Variants in CDYL2 observed in about 807,000 individuals in gnomAD.
The protein encoded by CDYL2 is chromodomain Y like 2.
In CDYL2, 23 loss-of-function variants were observed where a neutral mutation model predicts 49.4. The ratio of observed to expected loss-of-function variants is 0.47; its 90% CI spans 0.34 to 0.66. The LOEUF is 0.66. CDYL2 is among the 30% of genes least tolerant of loss of function. CDYL2 has a pLI of 0.01. For synonymous variants in CDYL2, 360 were observed against 268.8 expected, an observed-to-expected ratio of 1.34 and a Z score of -3.32; for missense variants, 678 against 656.4, an observed-to-expected ratio of 1.03 and a Z score of -0.36.
intron 3 of CDYL2, 134 bp from the exon 4 acceptor site, chr16:80,621,069 A>C (rs1907064702): frequency 3.0e-6 from 3 of 994,914 alleles, no homozygotes; most frequent in Non-Finnish European, 4.2e-6. Context: ...CTGTGCAGGG[A>C]GCCTCCCCTG....
intron 1 of CDYL2, among the ~76,000 whole-genome samples, chr16:80,725,119 G>C (rs1175443780): frequency 6.6e-6 from 1 of 151,998 alleles, no homozygotes; most frequent in Non-Finnish European, 1.5e-5. Context: ...GCCTTGGTGG[G>C]CATTGTTCCC....
chr16:80,716,110 G>C (rs1904789840), intron 1 of CDYL2, among the ~76,000 whole-genome samples: 1 of 152,192 alleles, frequency 6.6e-6, no homozygotes, highest in Admixed American at 6.5e-5. Context: ...AAAAATAATT[G>C]TAACAAGGCC....
chr16:80,606,248 G>A (rs913606622), intron 6 of CDYL2, among the ~76,000 whole-genome samples: 3 of 152,220 alleles, frequency 2.0e-5, no homozygotes, highest in Admixed American at 2.0e-4. Context: ...CAGAGGCCAT[G>A]GGCCTTACTC....
chr16:80,677,740 A>AAAAAATAAAAAT (rs1289052111), intron 2 of CDYL2, among the ~76,000 whole-genome samples: 1 of 147,506 alleles, frequency 6.8e-6, no homozygotes, highest in African/African-American at 2.5e-5. Flanking sequence ...CTCCATCTCA[A>AAAAAATAAAAAT]AAAAATAAAA....
At position 80,604,123 on chromosome 16, in the gene CDYL2, C is replaced by G; in HGVS notation, c.*265G>C. 2 of 497,028 alleles carry G rather than the reference C, an allele frequency of 4.0e-6. No individual in the cohort carries two copies. The highest frequency in any genetic ancestry group is 5.0e-5 in the South Asian group (2 of 40,158). 30.8% of individuals were successfully genotyped at this position (497,028 alleles called of 1,614,324 possible). On this transcript the variant is annotated 3_prime_UTR_variant, in exon 7 of 7. Transcript: ENST00000570137. ...AGCAAGTGGGGAAAGGACAGCGGTG[C>G]TTGGCGGAGCCCTGGGAAGATACAG...
chr16:80,608,045 A>G, intron 6 of CDYL2, 47 bp downstream of exon 6: 1 of 1,518,970 alleles, frequency 6.6e-7, no homozygotes, highest in South Asian at 1.3e-5. Context: ...TCATGTGTAA[A>G]ATGGGTCTAT....
chr16:80,646,402 A>T (rs549261717), intron 2 of CDYL2, among the ~76,000 whole-genome samples: 2 of 152,338 alleles, frequency 1.3e-5, no homozygotes, highest in Non-Finnish European at 2.9e-5. Context: ...AAAACAAATA[A>T]CAAAATGGCA....
At chr16:80,637,199 C>G (rs1402815802) in intron 2 of CDYL2, among the ~76,000 whole-genome samples, 1 of 141,074 alleles carries the variant, frequency 7.1e-6, no homozygotes, top group African/African-American at 2.8e-5. Context: ...AAAAAAAAAT[C>G]TTTTAGTTCC....
intron 2 of CDYL2, among the ~76,000 whole-genome samples, chr16:80,649,978 A>G (rs1908517017): frequency 6.6e-6 from 1 of 152,152 alleles, no homozygotes; most frequent in Admixed American, 6.5e-5. Context: ...ATCAAAATTG[A>G]AAAGACTTAA....
intron 2 of CDYL2, chr16:80,639,655 C>G (rs1463290750): frequency 2.2e-6 from 1 of 454,772 alleles, no homozygotes; most frequent in East Asian, 7.0e-5. Flanking sequence ...AACAAAAAAT[C>G]AGGTGAGCAC....
At chr16:80,655,365 C>A (rs578169034) in intron 2 of CDYL2, among the ~76,000 whole-genome samples, 190 of 152,048 alleles carry the variant, frequency 1.2e-3, no homozygotes, top group African/African-American at 4.2e-3. Context: ...GATGGGGATC[C>A]AAAAGAAAGT....
intron 1 of CDYL2, among the ~76,000 whole-genome samples, chr16:80,707,694 C>T (rs1597090004): frequency 1.3e-5 from 2 of 152,260 alleles, no homozygotes; most frequent in African/African-American, 4.8e-5. Flanking sequence ...ATAATCCTTT[C>T]CTAGTTTTTA....
intron 1 of CDYL2, among the ~76,000 whole-genome samples, chr16:80,717,616 C>A (rs756823435): frequency 6.6e-6 from 1 of 152,196 alleles, no homozygotes; most frequent in African/African-American, 2.4e-5. Context: ...GACACCTTCT[C>A]CAGTCTCCTC....
At chr16:80,614,872 A>G (rs1178867170) in intron 4 of CDYL2, among the ~76,000 whole-genome samples, 1 of 122,354 alleles carries the variant, frequency 8.2e-6, no homozygotes, top group African/African-American at 6.7e-5. Flanking sequence ...TCAGGGAGAA[A>G]AAAAAAAAAA....
intron 1 of CDYL2, among the ~76,000 whole-genome samples, chr16:80,796,761 A>C (rs1482065251): frequency 6.6e-6 from 1 of 152,166 alleles, no homozygotes; most frequent in Non-Finnish European, 1.5e-5. Flanking sequence ...TTTTACTATC[A>C]TGCCCAAGAC....
intron 2 of CDYL2, among the ~76,000 whole-genome samples, chr16:80,672,842 T>C (rs1195578700): frequency 6.6e-6 from 1 of 152,218 alleles, no homozygotes; most frequent in Non-Finnish European, 1.5e-5. Context: ...GCTTAATAAA[T>C]ATCTGTTGTT....
intron 1 of CDYL2, among the ~76,000 whole-genome samples, chr16:80,716,083 G>C (rs1258794278): frequency 6.6e-5 from 10 of 152,210 alleles, no homozygotes; most frequent in Non-Finnish European, 2.9e-5. Context: ...TGAAAAGTCA[G>C]TCCATGCAAA....
intron 3 of CDYL2, among the ~76,000 whole-genome samples, chr16:80,624,057 C>T (rs555075817): frequency 6.6e-6 from 1 of 152,306 alleles, no homozygotes; most frequent in African/African-American, 2.4e-5. Flanking sequence ...CAATCCCCCT[C>T]ACACCCCTGC....
chr16:80,610,751 G>T (rs1464349601), intron 5 of CDYL2, among the ~76,000 whole-genome samples: 5 of 152,164 alleles, frequency 3.3e-5, no homozygotes, highest in Admixed American at 1.3e-4. Context: ...GCAGGGCCGG[G>T]AGCCAGCACT....
Sources: gnomAD v4.1 joint callset for allele counts (sites outside exome capture counted in the v4.1 genomes callset) on GRCh38, gnomAD v4.1.1 for gene constraint, MANE v1.5 for transcripts, NCBI Gene and HGNC (gene_info 2026-07-23, HGNC 2026-07-21) for gene names.